Variants in HSPG2 observed in about 807,000 individuals in gnomAD.
HSPG2 encodes heparan sulfate proteoglycan 2.
In HSPG2, 278 loss-of-function variants were observed where a neutral mutation model predicts 526.6. The observed-to-expected ratio is 0.53, with a 90% CI of 0.48 to 0.58. HSPG2 has a LOEUF of 0.58. Ranked by LOEUF, HSPG2 falls within the 20% of genes least tolerant of loss-of-function variation. The pLI is 0.00. For missense variants in HSPG2, 5,354 were observed against 6,099.5 expected (o/e 0.88, Z 4.07); for synonymous variants, 2,465 against 2,555.4 (o/e 0.96, Z 1.07).
Position 21,872,309 on chromosome 1 carries a change from G to C in HSPG2, c.4098C>G (p.Arg1366=), listed in dbSNP as rs1435158285. 3 of 1,574,020 alleles carry C rather than the reference G, an allele frequency of 1.9e-6. No homozygotes were observed. The African/African-American group carries it at 4.1e-5, about 21-fold the overall frequency. The part of the protein sequence containing the change: ...FALVNPQRNS[R]LTGEFTVEPV... ...GTTCCACAGTGAATTCTCCTGTCAG[G>C]CGGCTGTTTCGCTGTGGGTTCACCA... Residue 1366 remains arginine (R), a synonymous_variant, in exon 33 of 97, where the codon CGC becomes CGG. Coordinates refer to ENST00000374695, the MANE Select transcript of HSPG2 (RefSeq NM_005529.7). This position sits in a 1 kb window ranked among gnomAD's most constrained non-coding sequence, Gnocchi z 5.5.
At chr1:21,930,862 C>G (rs1218372612) in intron 1 of HSPG2, among the ~76,000 whole-genome samples, 1 of 152,134 alleles carries the variant, frequency 6.6e-6, no homozygotes, top group East Asian at 1.9e-4. Flanking sequence ...AACGCTTAAT[C>G]ACATACATCA....
At chr1:21,843,494 G>C (rs1273902766) in intron 65 of HSPG2, 56 bp from the exon 66 acceptor site, 2 of 1,568,014 alleles carry the variant, frequency 1.3e-6, no homozygotes, top group Non-Finnish European at 1.7e-6. Flanking sequence ...CAGATGCCCA[G>C]GCCTCTGGTA....
chr1:21,901,812 G>A (rs1434762888), intron 1 of HSPG2, among the ~76,000 whole-genome samples: 1 of 152,096 alleles, frequency 6.6e-6, no homozygotes, highest in South Asian at 2.1e-4. Flanking sequence ...GCTCCTGCCT[G>A]CCCACCTGCC....
intron 1 of HSPG2, among the ~76,000 whole-genome samples, chr1:21,928,244 C>T (rs1467184036): frequency 6.6e-6 from 1 of 152,214 alleles, no homozygotes; most frequent in Non-Finnish European, 1.5e-5. Flanking sequence ...CCAATGAGGA[C>T]ACAGACAAGT....
rs140051011 is a variant in HSPG2, at chr1:21,907,434, T to A, written c.64-11124A>T. ...GCAGCCCTAGGTCATGGCTCTCCAG[T>A]CCATCCTCAGCAGCCTCAGGGCCAC... is the stretch of plus-strand genomic sequence containing the variant. On this transcript the variant is annotated intron_variant, in intron 1 of 96. Transcript: ENST00000374695. Among the ~76,000 whole-genome samples the A allele has an allele frequency of 6.8e-3, 1,032 of 152,204 alleles. 10 individuals are homozygous for A. The highest frequency in any genetic ancestry group is 0.023 in the African/African-American group (970 of 41,524).
At position 21,823,029 on chromosome 1, in the gene HSPG2, G is replaced by C. The variant is rs970164940; in HGVS notation, c.*287C>G. 5 of 326,156 alleles carry C rather than the reference G, an allele frequency of 1.5e-5. No individual in the cohort carries two copies. The highest frequency in any genetic ancestry group is 6.5e-5 in the African/African-American group (3 of 46,346). 20.2% of individuals were successfully genotyped at this position (326,156 alleles called of 1,614,324 possible). On this transcript the variant is annotated 3_prime_UTR_variant, in exon 97 of 97. Transcript: ENST00000374695. ...GGCTCCATCGGTGGGTAGGGGGACA[G>C]TGGGGGCAGTTCTGGGCCCACCCAG...
At position 21,890,238 on chromosome 1, in the gene HSPG2, G is replaced by C; in HGVS notation, c.414-97C>G. 1.4e-6 allele frequency: 2 copies of C among 1,479,474 alleles called. No individual in the cohort carries two copies. The highest frequency in any genetic ancestry group is 2.3e-5 in the South Asian group (2 of 88,348). The allele number at this position is 1,479,474 out of a possible 1,614,324, so 91.6% of individuals were successfully genotyped here. On this transcript the variant is annotated intron_variant, in intron 5 of 96. Transcript: ENST00000374695. This position sits in a 1 kb window ranked among gnomAD's most constrained non-coding sequence, Gnocchi z 4.1. ...CGCCCCGACGCTCAGGCCCTGTTCC[G>C]GGACAGCCTGTACCCAAAGAAGGGC...
Position 21,828,795 on chromosome 1 carries a change from A to T in HSPG2, c.12237+40T>A. The stretch of plus-strand genomic sequence containing the variant: ...AGCCGAGGGGGACACAAGGCTTGGC[A>T]CCCCTCCCCTCCCGCTTGTCCCGAG... On this transcript the variant is annotated intron_variant, in intron 88 of 96. Coordinates refer to ENST00000374695, the MANE Select transcript of HSPG2 (RefSeq NM_005529.7). The surrounding 1 kb of genome is among the most constrained non-coding windows in gnomAD (Gnocchi z 6.0). 6.5e-7 allele frequency: 1 copy of T among 1,538,618 alleles called. No homozygotes were observed. The highest frequency in any genetic ancestry group is 1.2e-5 in the South Asian group (1 of 82,186).
chr1:21,902,445 T>C (rs1809207), intron 1 of HSPG2, among the ~76,000 whole-genome samples: 14,609 of 152,166 alleles, frequency 0.096, 1,418 homozygotes, highest in East Asian at 0.25. Flanking sequence ...GTCACTCAGA[T>C]CCACCACAAC....
intron 19 of HSPG2, 30 bp downstream of exon 19, chr1:21,878,547 C>G (rs373734274): frequency 6.2e-6 from 10 of 1,613,828 alleles, no homozygotes; most frequent in African/African-American, 1.3e-5. Context: ...CAGGAGCCCC[C>G]TTCCTGCAGC....
At position 21,848,671 on chromosome 1, in the gene HSPG2, C is replaced by G; in HGVS notation, c.7709G>C (p.Arg2570Pro). The change falls in exon 59 of 97, where the codon CGT (arginine) becomes CCT (proline). Residue 2570 changes from arginine to proline, a missense_variant. Arg to Pro is a moderately radical substitution (Grantham distance 103). Coordinates refer to ENST00000374695, the MANE Select transcript of HSPG2 (RefSeq NM_005529.7). This position sits in a 1 kb window ranked among gnomAD's most constrained non-coding sequence, Gnocchi z 4.9. The part of the protein sequence containing the change: ...QAPHTITWYK[R>P]GGSLPSRHQI... ...GTGCCGGCTGGGTAAGCTGCCTCCA[C>G]GCTTATACCAGGTGATGGTGTGGGG... 6.2e-7 allele frequency: 1 copy of G among 1,613,666 alleles called. No homozygotes were observed. The highest frequency in any genetic ancestry group is 8.5e-7 in the Non-Finnish European group (1 of 1,180,012).
At chr1:21,889,865 G>T (rs1642223653) in intron 6 of HSPG2, 116 bp downstream of exon 6, 1 of 1,042,162 alleles carries the variant, frequency 9.6e-7, no homozygotes, top group African/African-American at 1.6e-5. Context: ...CTCAGGAGTA[G>T]TGAGCTCCCT....
intron 64 of HSPG2, 89 bp from the exon 65 acceptor site, chr1:21,844,388 C>G (rs1181104669): frequency 5.8e-5 from 80 of 1,390,194 alleles, no homozygotes; most frequent in Non-Finnish European, 7.7e-5. Flanking sequence ...GGACCAGAGG[C>G]CATTTGGGAC....
At chr1:21,908,253 G>A (rs1643484556) in intron 1 of HSPG2, 10 of 1,015,886 alleles carry the variant, frequency 9.8e-6, no homozygotes, top group Admixed American at 8.5e-5. Flanking sequence ...AAAAAGGAAC[G>A]CCCCACAAGT....
chr1:21,886,383 G>A lies in HSPG2; in HGVS notation c.1078+832C>T, dbSNP rs200001383. Among the ~76,000 whole-genome samples, 197 of 152,126 alleles carry A rather than the reference G, an allele frequency of 1.3e-3. 4 individuals are homozygous for A. The East Asian group carries it at 0.032, about 25-fold the overall frequency. On this transcript the variant is annotated intron_variant, in intron 9 of 96. Transcript: ENST00000374695. ...GGCATGGTGCAGCCTCTCCCCCGGG[G>A]CTTGCTGTGGAGTGGGCAGGGGAAG...
Position 21,855,385 on chromosome 1 carries a change from G to A in HSPG2, c.5916C>T (p.Thr1972=), listed in dbSNP as rs147669915. Residue 1972 remains threonine (T), a synonymous_variant, in exon 47 of 97, where the codon ACC becomes ACT. Transcript: ENST00000374695. ...PERTQVHAGR[T]VRLYCRAAGV... Reference sequence around the variant, plus strand: ...CTGCAGCCCTGCAGTACAGCCTGACGGTGCGGCCTGCGTGGACCTGGGTCC... The same window carrying A: ...CTGCAGCCCTGCAGTACAGCCTGACAGTGCGGCCTGCGTGGACCTGGGTCC... The A allele has an allele frequency of 1.9e-4, 299 of 1,612,734 alleles. No homozygotes were observed. Among genetic ancestry groups the A allele is most frequent in the South Asian group, 7.7e-4 (70 of 90,796 alleles).
intron 65 of HSPG2, among the ~76,000 whole-genome samples, chr1:21,843,864 G>A (rs951456109): frequency 1.3e-5 from 2 of 152,158 alleles, no homozygotes; most frequent in Non-Finnish European, 2.9e-5. Context: ...TTGAACTCCT[G>A]ACCTCAAGTG....
Position 21,876,366 on chromosome 1 carries a change from T to C in HSPG2, c.2866A>G (p.Thr956Ala). ...GTGGTGTGGGTGCTTGCGGCGTTGG[T>C]CAGGCTGAAGTGACCAGGCTCCTCA... The part of the protein sequence containing the change: ...ASEEPGHFSL[T>A]NAASTHTTNE... Residue 956 changes from threonine (T) to alanine (A), a missense_variant, in exon 23 of 97, where the codon ACC becomes GCC. By Grantham distance (58) the Thr-to-Ala change is moderately conservative. Coordinates refer to ENST00000374695, the MANE Select transcript of HSPG2 (RefSeq NM_005529.7). The C allele has an allele frequency of 6.2e-7, 1 of 1,612,848 alleles. No individual in the cohort carries two copies. Among genetic ancestry groups the C allele is most frequent in the Non-Finnish European group, 8.5e-7 (1 of 1,179,552 alleles).
At chr1:21,924,033 G>C (rs991023881) in intron 1 of HSPG2, among the ~76,000 whole-genome samples, 32 of 152,036 alleles carry the variant, frequency 2.1e-4, no homozygotes, top group African/African-American at 7.8e-4. Context: ...GAGGTGAACT[G>C]ACATGGACAG....
Sources: gnomAD v4.1 joint callset for allele counts (sites outside exome capture counted in the v4.1 genomes callset) on GRCh38, gnomAD v4.1.1 for gene constraint, Gnocchi (gnomAD v3.1) non-coding constraint, MANE v1.5 for transcripts, NCBI Gene and HGNC (gene_info 2026-07-23, HGNC 2026-07-21) for gene names.